TMEM164: variants seen among roughly 807,000 people sequenced by gnomAD.
TMEM164 encodes RP13-360B22.2.
In TMEM164, 4 loss-of-function variants were observed where a neutral mutation model predicts 18.8. The ratio of observed to expected loss-of-function variants is 0.21; its 90% confidence interval spans 0.10 to 0.49. The LOEUF is 0.49. TMEM164 is among the 20% of genes least tolerant of loss of function. The pLI is 0.98. For synonymous variants in TMEM164, 86 were observed against 101.7 expected (o/e 0.85, Z 0.93); for missense variants, 108 against 239.9 (o/e 0.45, Z 3.63).
At chrX:110,012,313 T>C (rs942035974) in intron 2 of TMEM164, among the ~76,000 whole-genome samples, 17 of 112,030 alleles carry the variant, frequency 1.5e-4, no homozygotes, top group African/African-American at 5.5e-4. Flanking sequence ...AAAACAATCC[T>C]TTCTATAATT....
intron 3 of TMEM164, among the ~76,000 whole-genome samples, chrX:110,072,530 T>C (rs1226907700): frequency 1.8e-5 from 2 of 110,788 alleles, no homozygotes; most frequent in Non-Finnish European, 3.8e-5. Flanking sequence ...TAGTTGAGCA[T>C]GTAGTATCCT....
Position 110,127,915 on chromosome X carries a change from G to A in TMEM164, c.508-16883G>A, listed in dbSNP as rs187000751. ...AGGTGCACTCATGGTCCTTATAAAAGCAGCCAGGTATGCATGGGCTGGGCC... is the reference window on the plus strand; with the variant it reads ...AGGTGCACTCATGGTCCTTATAAAAACAGCCAGGTATGCATGGGCTGGGCC... On this transcript the variant is annotated intron_variant, in intron 4 of 6. Coordinates refer to ENST00000372068, the MANE Select transcript of TMEM164 (RefSeq NM_032227.4). Among the ~76,000 whole-genome samples the A allele has an allele frequency of 7.1e-5, 8 of 112,512 alleles. No individual in the cohort carries two copies. In the East Asian group the frequency reaches 2.2e-3, roughly 31 times the overall value.
At chrX:110,015,269 T>C (rs971611354) in intron 2 of TMEM164, among the ~76,000 whole-genome samples, 3 of 111,469 alleles carry the variant, frequency 2.7e-5, no homozygotes, top group Admixed American at 9.5e-5. Flanking sequence ...TTCCCAAGCA[T>C]TGTGGGTAAG....
intron 3 of TMEM164, among the ~76,000 whole-genome samples, chrX:110,105,749 A>AAGAGAG (rs1569331132): frequency 3.4e-3 from 185 of 53,750 alleles, no homozygotes; most frequent in East Asian, 7.1e-3. Flanking sequence ...GAGAGAGAGA[A>AAGAGAG]TGAGAGAGAG....
At chrX:110,032,824 T>C (rs1466407966) in intron 2 of TMEM164, among the ~76,000 whole-genome samples, 1 of 111,945 alleles carries the variant, frequency 8.9e-6, no homozygotes, top group Non-Finnish European at 1.9e-5. Flanking sequence ...GCCATAGAAA[T>C]ACAGTCTCCT....
At chrX:110,064,815 A>AAAAAAC (rs1422766720) in intron 2 of TMEM164, among the ~76,000 whole-genome samples, 2 of 107,921 alleles carry the variant, frequency 1.9e-5, no homozygotes, top group African/African-American at 3.4e-5. Flanking sequence ...TGTCTCCACA[A>AAAAAAC]AAAAATAAAA....
intron 3 of TMEM164, among the ~76,000 whole-genome samples, chrX:110,092,200 T>C (rs2065941184): frequency 8.9e-6 from 1 of 112,009 alleles, no homozygotes; most frequent in Non-Finnish European, 1.9e-5. Flanking sequence ...AGGCTCTTTT[T>C]TGGTTCCATA....
chrX:110,089,718 A>C (rs1400353309), intron 3 of TMEM164, among the ~76,000 whole-genome samples: 2 of 112,061 alleles, frequency 1.8e-5, no homozygotes, highest in Non-Finnish European at 3.8e-5. Context: ...GTACAGTGGA[A>C]TTAGAGTTAT....
In TMEM164 at chrX:110,176,338, T is replaced by C; in HGVS notation, c.*2887T>C. The stretch of plus-strand genomic sequence containing the variant: ...AGTATTTGGTTTTGTACACCAAAGA[T>C]GATCTGGCCCATCTTCCTCCCAGAG... On this transcript the variant is annotated 3_prime_UTR_variant, in exon 7 of 7. Transcript: ENST00000372068. 1 of 756,362 alleles carries C rather than the reference T, an allele frequency of 1.3e-6. No homozygotes were observed. Among genetic ancestry groups the C allele is most frequent in the Non-Finnish European group, 1.6e-6 (1 of 639,472 alleles). 62.3% of individuals were successfully genotyped at this position (756,362 alleles called of 1,213,427 possible).
At chrX:110,062,843 G>A (rs1452241983) in intron 2 of TMEM164, among the ~76,000 whole-genome samples, 1 of 111,506 alleles carries the variant, frequency 9.0e-6, no homozygotes, top group Non-Finnish European at 1.9e-5. Context: ...TTGGTAGGTA[G>A]TGGCAAGCCA....
At chrX:110,100,539 T>C (rs1485866474) in intron 3 of TMEM164, among the ~76,000 whole-genome samples, 1 of 111,427 alleles carries the variant, frequency 9.0e-6, no homozygotes, top group Non-Finnish European at 1.9e-5. Context: ...TAACCTTGTG[T>C]TACCAGGAGA....
At chrX:110,025,335 A>G (rs1423511435) in intron 2 of TMEM164, among the ~76,000 whole-genome samples, 1 of 111,831 alleles carries the variant, frequency 8.9e-6, no homozygotes, top group Non-Finnish European at 1.9e-5. Flanking sequence ...AGCCCTTGGG[A>G]TGCTCATCAC....
intron 2 of TMEM164, among the ~76,000 whole-genome samples, chrX:110,024,885 G>A (rs967365635): frequency 4.5e-5 from 5 of 111,842 alleles, no homozygotes; most frequent in African/African-American, 1.3e-4. Context: ...TCTGTGTGTC[G>A]TGAAAAGATC....
intron 3 of TMEM164, among the ~76,000 whole-genome samples, chrX:110,069,987 A>T (rs1316376259): frequency 9.0e-6 from 1 of 111,385 alleles, no homozygotes; most frequent in Non-Finnish European, 1.9e-5. Flanking sequence ...TGTGTACCCA[A>T]ATCTCATATA....
chrX:110,090,700 A>C (rs756708757), intron 3 of TMEM164, among the ~76,000 whole-genome samples: 1 of 111,459 alleles, frequency 9.0e-6, no homozygotes, highest in Non-Finnish European at 1.9e-5. Flanking sequence ...CAGTTGTCCT[A>C]CTTTCTTTAT....
At chrX:110,172,906 G>A (rs1383505772) in intron 6 of TMEM164, among the ~76,000 whole-genome samples, 1 of 112,046 alleles carries the variant, frequency 8.9e-6, no homozygotes, top group Non-Finnish European at 1.9e-5. Context: ...CAGGGCCCAC[G>A]CTGTGGGCTG....
intron 2 of TMEM164, among the ~76,000 whole-genome samples, chrX:110,045,221 C>A (rs1935267978): frequency 8.9e-6 from 1 of 111,804 alleles, no homozygotes; most frequent in Non-Finnish European, 1.9e-5. Flanking sequence ...GCCTTACACT[C>A]TCTTATCCTT....
intron 2 of TMEM164, among the ~76,000 whole-genome samples, chrX:110,056,682 C>G (rs1011295321): frequency 1.3e-4 from 14 of 111,686 alleles, no homozygotes; most frequent in African/African-American, 4.6e-4. Context: ...GTTCCAATTT[C>G]TCCACATCCT....
At chrX:110,156,857 G>A (rs1238814175) in intron 5 of TMEM164, among the ~76,000 whole-genome samples, 3 of 111,084 alleles carry the variant, frequency 2.7e-5, no homozygotes, top group East Asian at 5.7e-4. Flanking sequence ...GCTCCTAAAG[G>A]CTCCACCGCT....
Sources: allele counts gnomAD v4.1 joint callset (sites outside exome capture counted in the v4.1 genomes callset), GRCh38; gene constraint gnomAD v4.1.1; transcripts MANE v1.5; gene names NCBI Gene and HGNC (gene_info 2026-07-23, HGNC 2026-07-21).